Variants in HECW1 observed in about 807,000 individuals in gnomAD.
The protein encoded by HECW1 is HECT, C2 and WW domain containing E3 ubiquitin protein ligase 1.
In HECW1, 61 loss-of-function variants were observed where a neutral mutation model predicts 182.3. That is an observed-to-expected ratio of 0.33 (90% CI 0.27 to 0.41). The LOEUF (loss-of-function observed/expected upper bound fraction) is 0.41, where lower values mean the gene tolerates loss of function less well. HECW1 is among the 10% of genes least tolerant of loss of function. The pLI is 1.00. For synonymous variants in HECW1, 859 were observed against 832.6 expected (o/e 1.03, Z -0.55); for missense variants, 1,739 against 2,108.9 (o/e 0.82, Z 3.44).
At chr7:43,508,263 TC>T (rs1483641002) in intron 23 of HECW1, 132 bp downstream of exon 23, 6 of 585,108 alleles carry the variant, frequency 1.0e-5, no homozygotes, top group African/African-American at 9.3e-5. Context: ...GATCACATTC[TC>T]CCAGGAGGTC....
chr7:43,292,014 G>A (rs1392710921), intron 3 of HECW1, among the ~76,000 whole-genome samples: 2 of 152,086 alleles, frequency 1.3e-5, no homozygotes, highest in Non-Finnish European at 2.9e-5. Flanking sequence ...AGTGATTCAG[G>A]GTCACCCTTC....
chr7:43,480,683 G>A (rs1002300256), intron 17 of HECW1, among the ~76,000 whole-genome samples: 5 of 116,818 alleles, frequency 4.3e-5, no homozygotes, highest in Non-Finnish European at 6.1e-5. Context: ...ACATATATAC[G>A]CATATATATA....
chr7:43,457,384 T>G (rs2077437024), intron 13 of HECW1, among the ~76,000 whole-genome samples: 1 of 152,220 alleles, frequency 6.6e-6, no homozygotes, highest in South Asian at 2.1e-4. Context: ...AATGAAGAAC[T>G]GGGTTTGTGG....
intron 2 of HECW1, among the ~76,000 whole-genome samples, chr7:43,195,460 C>T (rs1794369381): frequency 6.6e-6 from 1 of 152,158 alleles, no homozygotes; most frequent in African/African-American, 2.4e-5. Context: ...GCAGATCTGC[C>T]TGGTAACTTG....
At chr7:43,244,257 G>A (rs771879947) in intron 3 of HECW1, among the ~76,000 whole-genome samples, 91 of 152,314 alleles carry the variant, frequency 6.0e-4, no homozygotes, top group Non-Finnish European at 1.2e-3. Context: ...TGAGAGCTCC[G>A]CTGTCTATGG....
At chr7:43,410,719 ATTACCTATTT>A (rs1177340316) in intron 8 of HECW1, among the ~76,000 whole-genome samples, 2 of 152,214 alleles carry the variant, frequency 1.3e-5, no homozygotes, top group Non-Finnish European at 2.9e-5. Flanking sequence ...AGTCATTTAG[ATTACCTATTT>A]CTTCTAAGAG....
intron 2 of HECW1, among the ~76,000 whole-genome samples, chr7:43,162,752 C>G (rs7795607): frequency 0.56 from 84,424 of 152,048 alleles, 24,786 homozygotes; most frequent in Non-Finnish European, 0.66. Flanking sequence ...GTAGTGGTCC[C>G]TATAAACAAA....
At chr7:43,511,089 G>A (rs763885024) in intron 24 of HECW1, 2 of 152,222 alleles carry the variant, frequency 1.3e-5, no homozygotes, top group African/African-American at 2.4e-5. Context: ...TGTGATACAG[G>A]GATTTTGCAA....
chr7:43,186,194 C>G (rs1793379331), intron 2 of HECW1, among the ~76,000 whole-genome samples: 1 of 152,200 alleles, frequency 6.6e-6, no homozygotes, highest in African/African-American at 2.4e-5. Context: ...CATTTCTAAC[C>G]CCTACATGAT....
intron 11 of HECW1, among the ~76,000 whole-genome samples, chr7:43,445,836 A>G (rs1456495335): frequency 2.6e-5 from 4 of 152,140 alleles, no homozygotes; most frequent in African/African-American, 7.2e-5. Flanking sequence ...GTGTGCTTCT[A>G]TGTTTGTTTT....
At chr7:43,405,096 A>G (rs141326440) in intron 7 of HECW1, among the ~76,000 whole-genome samples, 1 of 152,304 alleles carries the variant, frequency 6.6e-6, no homozygotes, top group African/African-American at 2.4e-5. Flanking sequence ...TCTTTCTTGT[A>G]TTAAGGATAT....
intron 6 of HECW1, among the ~76,000 whole-genome samples, chr7:43,364,612 C>G (rs1816391526): frequency 2.6e-5 from 4 of 152,224 alleles, no homozygotes; most frequent in Admixed American, 2.6e-4. Flanking sequence ...TTGGCCATGC[C>G]TTGAAGACAG....
At chr7:43,313,033 T>C (rs1364664426) in intron 4 of HECW1, among the ~76,000 whole-genome samples, 1 of 152,218 alleles carries the variant, frequency 6.6e-6, no homozygotes, top group Non-Finnish European at 1.5e-5. Flanking sequence ...TTATGAGTAG[T>C]TTACAACCTG....
intron 3 of HECW1, among the ~76,000 whole-genome samples, chr7:43,296,417 A>G (rs1377217461): frequency 1.3e-5 from 2 of 152,034 alleles, no homozygotes; most frequent in African/African-American, 4.8e-5. Flanking sequence ...GTTGCCCAGG[A>G]AGGTCTATGG....
chr7:43,379,173 T>G (rs2074448940), intron 6 of HECW1, among the ~76,000 whole-genome samples: 1 of 152,182 alleles, frequency 6.6e-6, no homozygotes, highest in Non-Finnish European at 1.5e-5. Flanking sequence ...TCCTTTAATC[T>G]TATGACCACA....
intron 8 of HECW1, among the ~76,000 whole-genome samples, chr7:43,430,779 T>TTTA (rs150459406): frequency 4.9e-5 from 7 of 141,732 alleles, no homozygotes; most frequent in Non-Finnish European, 7.6e-5. Flanking sequence ...TTTATTTTTC[T>TTTA]TTATTATTAT....
chr7:43,115,601 G>A (rs1784978628), intron 2 of HECW1, among the ~76,000 whole-genome samples: 1 of 152,198 alleles, frequency 6.6e-6, no homozygotes, highest in Admixed American at 6.5e-5. Flanking sequence ...TCACAAAAAT[G>A]GGTGAAGCAA....
intron 3 of HECW1, among the ~76,000 whole-genome samples, chr7:43,264,568 A>G (rs534899676): frequency 1.2e-4 from 19 of 152,272 alleles, no homozygotes; most frequent in African/African-American, 2.9e-4. Context: ...ATTGTCAGCC[A>G]GGCGCGGTGG....
At chr7:43,281,418 C>A (rs1803886654) in intron 3 of HECW1, among the ~76,000 whole-genome samples, 1 of 152,216 alleles carries the variant, frequency 6.6e-6, no homozygotes, top group Non-Finnish European at 1.5e-5. Flanking sequence ...GATTTTCAAA[C>A]AACTTTATCG....
Sources: gnomAD v4.1 joint callset for allele counts (sites outside exome capture counted in the v4.1 genomes callset) on GRCh38, gnomAD v4.1.1 for gene constraint, MANE v1.5 for transcripts, NCBI Gene and HGNC (gene_info 2026-07-23, HGNC 2026-07-21) for gene names.